The following ALOX12 variants were observed in gnomAD, a reference collection of about 807,000 sequenced individuals.
ALOX12 encodes the protein arachidonate 12-lipoxygenase, 12S type, also known as polyunsaturated fatty acid lipoxygenase ALOX12.
In ALOX12, 62 loss-of-function variants were observed where a neutral mutation model predicts 85.5. That is an observed-to-expected ratio of 0.73 (90% CI 0.59 to 0.90). The LOEUF (loss-of-function observed/expected upper bound fraction) is 0.90, where lower values mean the gene tolerates loss of function less well. ALOX12 is among the 40% of genes least tolerant of loss of function. The pLI, the probability that ALOX12 is intolerant of heterozygous loss-of-function variation, is 0.00. For missense variants in ALOX12, 751 were observed against 856.5 expected (o/e 0.88, Z 1.54); for synonymous variants, 299 against 332.7 (o/e 0.90, Z 1.10).
chr17:6,997,044 G>C lies in ALOX12; in HGVS notation c.337+17G>C. 1 of 1,518,136 alleles carries C rather than the reference G, an allele frequency of 6.6e-7. No homozygotes were observed. Among genetic ancestry groups the C allele is most frequent in the Non-Finnish European group, 8.9e-7 (1 of 1,129,624 alleles). 94.0% of individuals were successfully genotyped at this position (1,518,136 alleles called of 1,614,324 possible). On this transcript the variant is annotated intron_variant, in intron 2 of 13. Coordinates refer to ENST00000251535, the MANE Select transcript of ALOX12 (RefSeq NM_000697.3). ...AGGGCACCGGTGAGCAGGCGGCGTC[G>C]GGGAAGGAGGCACAAGGTCTCGGGA...
Position 6,999,020 on chromosome 17 carries a change from G to C in ALOX12, c.610G>C (p.Asp204His). 1 of 1,614,052 alleles carries C rather than the reference G, an allele frequency of 6.2e-7. No individual in the cohort carries two copies. Among genetic ancestry groups the C allele is most frequent in the Non-Finnish European group, 8.5e-7 (1 of 1,180,030 alleles). ...CTCCTGGAACTGCCTAGAAGACTTTGATCAGATCTTCTGGGGCCAGAAGAG... is the reference window on the plus strand; with the variant it reads ...CTCCTGGAACTGCCTAGAAGACTTTCATCAGATCTTCTGGGGCCAGAAGAG... Reference protein sequence around the residue: ...LSSWNCLEDFDQIFWGQKSAL... With the variant: ...LSSWNCLEDFHQIFWGQKSAL... The change falls in exon 5 of 14, where the codon GAT becomes CAT. Residue 204 changes from aspartate (D) to histidine (H), a missense_variant. Coordinates refer to ENST00000251535, the MANE Select transcript of ALOX12 (RefSeq NM_000697.3).
At chr17:7,007,122 A>G (rs1007779039) in intron 11 of ALOX12, among the ~76,000 whole-genome samples, 4 of 152,088 alleles carry the variant, frequency 2.6e-5, no homozygotes, top group African/African-American at 9.7e-5. Flanking sequence ...TGCAAGCTCA[A>G]TCCTATACAT....
chr17:7,007,680 G>A (rs1433650927), intron 11 of ALOX12, among the ~76,000 whole-genome samples: 4 of 152,156 alleles, frequency 2.6e-5, no homozygotes, highest in South Asian at 2.1e-4. Context: ...TCAGGAGTTC[G>A]AGACCAGCCT....
rs1351796588 is a variant in ALOX12, at chr17:6,997,011, C to A, written c.321C>A (p.Ser107Arg). The change falls in exon 2 of 14, where the codon AGC (serine) becomes AGA (arginine). Residue 107 changes from serine to arginine, a missense_variant. Transcript: ENST00000251535. ...YRWVQGEDIL[S>R]LPEGTARLPG... Reference sequence around the variant, plus strand: ...GGGTGCAGGGCGAGGACATCCTGAGCCTGCCCGAGGGCACCGGTGAGCAGG... The same window carrying A: ...GGGTGCAGGGCGAGGACATCCTGAGACTGCCCGAGGGCACCGGTGAGCAGG... 1 of 1,545,810 alleles carries A rather than the reference C, an allele frequency of 6.5e-7. No homozygotes were observed. The highest frequency in any genetic ancestry group is 1.9e-5 in the Admixed American group (1 of 51,354).
Position 6,998,855 on chromosome 17 carries a change from C to G in ALOX12, c.542+18C>G, listed in dbSNP as rs560798119. The G allele has an allele frequency of 1.4e-5, 23 of 1,614,076 alleles. No homozygotes were observed. The Admixed American group carries it at 2.3e-4, about 16-fold the overall frequency. ...AAGGCAGGGTGAGAAAAAGGCTAGA[C>G]CTCGGAGTGAAATAAGGGCTGGGAG... On this transcript the variant is annotated intron_variant, in intron 4 of 13. Transcript: ENST00000251535.
rs1172694010 is a variant in ALOX12, at chr17:7,001,761, A to G, written c.1111A>G (p.Ile371Val). 6 of 1,613,950 alleles carry G rather than the reference A, an allele frequency of 3.7e-6. No individual in the cohort carries two copies. Among genetic ancestry groups the G allele is most frequent in the Non-Finnish European group, 5.1e-6 (6 of 1,179,946 alleles). The change falls in exon 8 of 14, where the codon ATC (isoleucine) becomes GTC (valine). Residue 371 changes from isoleucine (I) to valine (V), a missense_variant. Coordinates refer to ENST00000251535, the MANE Select transcript of ALOX12 (RefSeq NM_000697.3). ...GAACACTCACCTGGTGGCTGAGGTC[A>G]TCGCTGTCGCCACCATGCGGTGCCT... ...LLNTHLVAEV[I>V]AVATMRCLPG...
intron 2 of ALOX12, 100 bp downstream of exon 2, chr17:6,997,127 T>C (rs537773303): frequency 1.4e-6 from 2 of 1,441,968 alleles, no homozygotes; most frequent in Non-Finnish European, 9.1e-7. Context: ...TTAGAGGATG[T>C]ATGGGCCCAG....
At chr17:7,002,122 T>C in intron 8 of ALOX12, 2 of 382,764 alleles carry the variant, frequency 5.2e-6, no homozygotes, top group Middle Eastern at 8.3e-4. Flanking sequence ...GAAAAACAAG[T>C]GATGCCCATA....
chr17:7,007,893 T>TA (rs536879600), intron 11 of ALOX12, among the ~76,000 whole-genome samples: 12 of 151,380 alleles, frequency 7.9e-5, no homozygotes, highest in Non-Finnish European at 1.6e-4. Context: ...AAAAATAAAA[T>TA]AAAAAAAACC....
intron 8 of ALOX12, 137 bp from the exon 9 acceptor site, chr17:7,005,120 G>T (rs1160744447): frequency 1.3e-6 from 1 of 797,996 alleles, no homozygotes; most frequent in African/African-American, 1.7e-5. Flanking sequence ...ACAAGAGTGA[G>T]TGATCAGAAC....
chr17:7,001,969 A>G, intron 8 of ALOX12, 158 bp downstream of exon 8: 1 of 652,946 alleles, frequency 1.5e-6, no homozygotes, highest in Non-Finnish European at 2.6e-6. Context: ...AATTAAGTTT[A>G]TTAAGTTTAG....
At chr17:7,009,058 A>G (rs1909241732) in intron 11 of ALOX12, among the ~76,000 whole-genome samples, 1 of 139,416 alleles carries the variant, frequency 7.2e-6, no homozygotes, top group Non-Finnish European at 1.5e-5. Flanking sequence ...GCATCCCTCA[A>G]TTGGTTTTTT....
intron 6 of ALOX12, 47 bp downstream of exon 6, chr17:6,999,513 G>T (rs1343945881): frequency 1.3e-6 from 2 of 1,595,928 alleles, no homozygotes; most frequent in Non-Finnish European, 8.6e-7. Context: ...TTAGTAGTGT[G>T]GTGAGAACGG....
Position 7,000,281 on chromosome 17 carries a change from C to T in ALOX12, c.808-55C>T. On this transcript the variant is annotated intron_variant, in intron 6 of 13. Coordinates refer to ENST00000251535, the MANE Select transcript of ALOX12 (RefSeq NM_000697.3). This position sits in a 1 kb window ranked among gnomAD's most constrained non-coding sequence, Gnocchi z 4.6. Reference sequence around the variant, plus strand: ...CTAAATCTCTTGCCCTTTGCCCCGGCCCCCTGGGGGTAGACTTTGAACTCT... The same window carrying T: ...CTAAATCTCTTGCCCTTTGCCCCGGTCCCCTGGGGGTAGACTTTGAACTCT... 1 of 1,597,984 alleles carries T rather than the reference C, an allele frequency of 6.3e-7. No individual in the cohort carries two copies. Among genetic ancestry groups the T allele is most frequent in the Non-Finnish European group, 8.6e-7 (1 of 1,168,622 alleles).
In ALOX12 at chr17:6,999,362, G is replaced by T. The variant is rs778398810; in HGVS notation, c.703G>T (p.Gly235Cys). Residue 235 changes from glycine (G) to cysteine (C), a missense_variant, in exon 6 of 14, where the codon GGT becomes TGT. Physicochemically the swap from Gly to Cys is radical, Grantham distance 159. Transcript: ENST00000251535. ...DELFSYQFLN[G>C]ANPMLLRRST... Reference sequence around the variant, plus strand: ...GTTGTTCAGCTACCAGTTCCTCAATGGTGCCAACCCCATGCTGTTGAGACG... The same window carrying T: ...GTTGTTCAGCTACCAGTTCCTCAATTGTGCCAACCCCATGCTGTTGAGACG... 1.9e-6 allele frequency: 3 copies of T among 1,614,192 alleles called. No individual in the cohort carries two copies. The South Asian group carries it at 3.3e-5, about 18-fold the overall frequency.
intron 2 of ALOX12, among the ~76,000 whole-genome samples, chr17:6,997,461 TG>T (rs1908503352): frequency 1.3e-5 from 2 of 151,636 alleles, no homozygotes. Flanking sequence ...GCTGGAGAGC[TG>T]GTTTGGTTGG....
intron 8 of ALOX12, among the ~76,000 whole-genome samples, chr17:7,004,575 T>C (rs545389791): frequency 3.8e-4 from 58 of 151,672 alleles, no homozygotes; most frequent in African/African-American, 1.4e-3. Flanking sequence ...ACCATGGCCT[T>C]TTTTCAATAG....
At chr17:7,004,141 A>T (rs1597323103) in intron 8 of ALOX12, among the ~76,000 whole-genome samples, 1 of 116,004 alleles carries the variant, frequency 8.6e-6, no homozygotes, top group African/African-American at 3.2e-5. Flanking sequence ...ATAAATAATT[A>T]AAATTTAAAT....
rs371321165 is a variant in ALOX12 at position 7,006,462 on chromosome 17, C to T, written c.1419-24C>T. On this transcript the variant is annotated intron_variant, in intron 10 of 13. Coordinates refer to ENST00000251535, the MANE Select transcript of ALOX12 (RefSeq NM_000697.3). ...GTCAGAGGCGGGGGCTTTCTGCCCT[C>T]AAGTGCCTTTTCCCCCTGGGCAGGT... The T allele has an allele frequency of 2.5e-6, 4 of 1,612,992 alleles. No individual in the cohort carries two copies. The African/African-American group carries it at 4.0e-5, about 16-fold the overall frequency.
Sources: gnomAD v4.1 joint callset for allele counts (sites outside exome capture counted in the v4.1 genomes callset) on GRCh38, gnomAD v4.1.1 for gene constraint, Gnocchi (gnomAD v3.1) non-coding constraint, MANE v1.5 for transcripts, NCBI Gene and HGNC (gene_info 2026-07-23, HGNC 2026-07-21) for gene names.